The following ABTB3 variants were observed in gnomAD, a reference collection of about 807,000 sequenced individuals.
ABTB3 encodes the protein ankyrin repeat- and BTB/POZ domain-containing protein 3.
At chr12:107,651,946 A>G in the ABTB3 span, among the ~76,000 whole-genome samples, 1 of 152,362 alleles carries the variant, frequency 6.6e-6, no homozygotes. Context: ...CCTGCCTTAG[A>G]AAAGATGCCT....
the ABTB3 span, among the ~76,000 whole-genome samples, chr12:107,636,419 T>C: frequency 6.6e-6 from 1 of 152,230 alleles, no homozygotes; most frequent in African/African-American, 2.4e-5. Flanking sequence ...TCCTACTTCC[T>C]GTTTCCCTTT....
chr12:107,334,536 A>G, the ABTB3 span, among the ~76,000 whole-genome samples: 1 of 152,206 alleles, frequency 6.6e-6, no homozygotes, highest in Non-Finnish European at 1.5e-5. Flanking sequence ...TCAGGACTCC[A>G]GCTTGGGACA....
chr12:107,526,122 AC>A, the ABTB3 span, among the ~76,000 whole-genome samples: 1 of 152,220 alleles, frequency 6.6e-6, no homozygotes, highest in African/African-American at 2.4e-5. Flanking sequence ...AGAAACAAAA[AC>A]TGAAGAAAAT....
chr12:107,649,459 C>CTG, the ABTB3 span: 1 of 587,038 alleles, frequency 1.7e-6, no homozygotes, highest in Non-Finnish European at 3.1e-6. Flanking sequence ...AAGGGCTTCT[C>CTG]ATCAGAGACC....
At chr12:107,656,183 C>A in the ABTB3 span, among the ~76,000 whole-genome samples, 9 of 151,698 alleles carry the variant, frequency 5.9e-5, no homozygotes, top group African/African-American at 2.2e-4. Context: ...CACCTCTAGT[C>A]CCAGCTACTC....
the ABTB3 span, among the ~76,000 whole-genome samples, chr12:107,637,341 A>G: frequency 6.6e-6 from 1 of 152,122 alleles, no homozygotes; most frequent in Non-Finnish European, 1.5e-5. Flanking sequence ...GCAGTGAACC[A>G]AGATTATGCC....
At chr12:107,454,315 C>A in the ABTB3 span, among the ~76,000 whole-genome samples, 1 of 152,334 alleles carries the variant, frequency 6.6e-6, no homozygotes, top group South Asian at 2.1e-4. Flanking sequence ...TGTTAAAAAT[C>A]ATTAAGGAAT....
At chr12:107,430,274 CT>C in the ABTB3 span, among the ~76,000 whole-genome samples, 1 of 152,152 alleles carries the variant, frequency 6.6e-6, no homozygotes. Flanking sequence ...TGCTTTTGTG[CT>C]TTTATAAATA....
the ABTB3 span, among the ~76,000 whole-genome samples, chr12:107,421,921 C>T: frequency 2.0e-5 from 3 of 152,214 alleles, no homozygotes; most frequent in African/African-American, 7.2e-5. Context: ...GCCCGGCACT[C>T]TTCTGGACAC....
At chr12:107,361,072 G>A in the ABTB3 span, among the ~76,000 whole-genome samples, 6 of 150,870 alleles carry the variant, frequency 4.0e-5, no homozygotes, top group Non-Finnish European at 7.4e-5. Flanking sequence ...TTACAGGTGT[G>A]AGCCACTGTA....
chr12:107,382,470 G>T, the ABTB3 span, among the ~76,000 whole-genome samples: 6 of 152,040 alleles, frequency 3.9e-5, 1 homozygote, highest in Non-Finnish European at 8.8e-5. Context: ...GTCTATTATT[G>T]GTGTATAGGA....
chr12:107,532,790 T>C, the ABTB3 span, among the ~76,000 whole-genome samples: 1 of 152,016 alleles, frequency 6.6e-6, no homozygotes, highest in African/African-American at 2.4e-5. Flanking sequence ...TCCAGCTACA[T>C]ATAAGGGAAT....
At chr12:107,571,307 A>G in the ABTB3 span, among the ~76,000 whole-genome samples, 6 of 152,252 alleles carry the variant, frequency 3.9e-5, no homozygotes, top group Non-Finnish European at 8.8e-5. Context: ...AAGGTCCCAC[A>G]GCTAGCAAAT....
the ABTB3 span, among the ~76,000 whole-genome samples, chr12:107,508,762 A>G: frequency 6.6e-6 from 1 of 152,074 alleles, no homozygotes; most frequent in Non-Finnish European, 1.5e-5. Context: ...TCATTACTCA[A>G]ACAACTCCAG....
the ABTB3 span, among the ~76,000 whole-genome samples, chr12:107,452,945 G>A: frequency 1.3e-5 from 2 of 152,204 alleles, no homozygotes; most frequent in Non-Finnish European, 2.9e-5. Context: ...AACAAGATGT[G>A]ATACAGAATA....
the ABTB3 span, among the ~76,000 whole-genome samples, chr12:107,586,621 A>G: frequency 6.6e-6 from 1 of 152,158 alleles, no homozygotes; most frequent in Admixed American, 6.5e-5. Context: ...CCCAGAAAAC[A>G]GAGAAACTGC....
the ABTB3 span, among the ~76,000 whole-genome samples, chr12:107,350,232 T>C: frequency 2.0e-5 from 3 of 152,174 alleles, no homozygotes. Context: ...TTATGGAATG[T>C]GCATTTCTCA....
At chr12:107,513,420 A>C in the ABTB3 span, among the ~76,000 whole-genome samples, 1 of 152,076 alleles carries the variant, frequency 6.6e-6, no homozygotes, top group Non-Finnish European at 1.5e-5. Context: ...CCTGAAAGTG[A>C]GTGAGTCCTC....
At chr12:107,643,399 T>A in the ABTB3 span, among the ~76,000 whole-genome samples, 1 of 70,874 alleles carries the variant, frequency 1.4e-5, no homozygotes, top group Admixed American at 1.9e-4. Context: ...CAAGACCCTA[T>A]CTCAAAAAAA....
Sources: allele counts gnomAD v4.1 joint callset (sites outside exome capture counted in the v4.1 genomes callset), GRCh38; gene constraint gnomAD v4.1.1; transcripts MANE v1.5; gene names NCBI Gene and HGNC (gene_info 2026-07-23, HGNC 2026-07-21).